The following NCBP3 variants were observed in gnomAD, a reference collection of about 807,000 sequenced individuals.
The protein encoded by NCBP3 is nuclear cap binding subunit 3, also known as nuclear cap-binding protein subunit 3.
In NCBP3, 20 loss-of-function variants were observed where a neutral mutation model predicts 75.7. The observed-to-expected ratio is 0.26, with a 90% CI of 0.19 to 0.38. The LOEUF (loss-of-function observed/expected upper bound fraction) is 0.38, where lower values mean the gene tolerates loss of function less well. NCBP3 is among the 10% of genes least tolerant of loss of function. The pLI is 1.00. For missense variants in NCBP3, 678 were observed against 796.9 expected (o/e 0.85, Z 1.80); for synonymous variants, 293 against 290.5 (o/e 1.01, Z -0.09).
rs80097000 is a variant in NCBP3 at position 3,832,531 on chromosome 17, T to C, written c.356-3163A>G. Among the ~76,000 whole-genome samples, 333 of 68,766 alleles carry C rather than the reference T, an allele frequency of 4.8e-3. 92 individuals carry two copies. The highest frequency in any genetic ancestry group is 0.021 in the Middle Eastern group (2 of 94). The allele number at this position is 68,766 out of a possible 152,430, so 45.1% of individuals were successfully genotyped here. ...CTGTAGTCCCAGCTACTCGGGAGGC[T>C]GAGGCAGGAGAATCACTTGAACCCG... On this transcript the variant is annotated intron_variant, in intron 3 of 12. Coordinates refer to ENST00000389005, the MANE Select transcript of NCBP3 (RefSeq NM_001114118.3).
At chr17:3,826,313 G>C in intron 4 of NCBP3, 98 bp from the exon 5 acceptor site, 2 of 1,148,392 alleles carry the variant, frequency 1.7e-6, no homozygotes, top group Admixed American at 2.8e-5. Context: ...GCCTCATCTA[G>C]CAACAGATTA....
intron 11 of NCBP3, among the ~76,000 whole-genome samples, chr17:3,815,415 G>C (rs2053511558): frequency 6.6e-6 from 1 of 152,210 alleles, no homozygotes; most frequent in Admixed American, 6.5e-5. Context: ...CTAGCACCTA[G>C]ACCAGGGTCT....
In NCBP3 at chr17:3,814,302, C is replaced by G. The variant is rs769525305; in HGVS notation, c.1627+20G>C. The stretch of plus-strand genomic sequence containing the variant: ...GCTCTCACTGAATCCCCATTCCCAT[C>G]CGTTTTAAGTGTTACCAACCTGATT... On this transcript the variant is annotated intron_variant, in intron 12 of 12. Transcript: ENST00000389005. The G allele has an allele frequency of 6.2e-7, 1 of 1,612,266 alleles. No individual in the cohort carries two copies. The highest frequency in any genetic ancestry group is 1.7e-5 in the Admixed American group (1 of 59,580).
intron 1 of NCBP3, among the ~76,000 whole-genome samples, chr17:3,844,164 G>A (rs552795077): frequency 6.6e-6 from 1 of 152,168 alleles, no homozygotes; most frequent in South Asian, 2.1e-4. Flanking sequence ...GCCTCACCTA[G>A]AACTCCTGAG....
chr17:3,837,974 T>C (rs1046009799), intron 3 of NCBP3, among the ~76,000 whole-genome samples: 1 of 151,760 alleles, frequency 6.6e-6, no homozygotes, highest in Non-Finnish European at 1.5e-5. Context: ...AGACTGGAGT[T>C]GTACGTTAAA....
At position 3,804,223 on chromosome 17, in the gene NCBP3, TGGA is replaced by T. The variant is rs1176855140; in HGVS notation, c.*8818_*8820del. On this transcript the variant is annotated 3_prime_UTR_variant, in exon 13 of 13. Coordinates refer to ENST00000389005, the MANE Select transcript of NCBP3 (RefSeq NM_001114118.3). The stretch of plus-strand genomic sequence containing the variant: ...AAAAAAGTTGCAAAATGTTCATGGA[TGGA>T]GGAGACGTGCTCGGCGTGAGGTGAA... 1 of 151,970 alleles carries T rather than the reference TGGA, an allele frequency of 6.6e-6. No homozygotes were observed. The highest frequency in any genetic ancestry group is 2.4e-5 in the African/African-American group (1 of 41,352). 9.4% of individuals were successfully genotyped at this position (151,970 alleles called of 1,614,324 possible). A position where few individuals can be genotyped will look rare whatever the true frequency, so the allele number is the denominator to read the frequency against.
Position 3,802,206 on chromosome 17 carries a change from G to A in NCBP3, c.*10838C>T, listed in dbSNP as rs916590501. On this transcript the variant is annotated 3_prime_UTR_variant, in exon 13 of 13. Transcript: ENST00000389005. ...TTTAATTTTAATTAAACGTAAAAAG[G>A]CAGGACATTCCAAGGCTCTCTAACA... The A allele has an allele frequency of 2.0e-5, 3 of 152,132 alleles. No homozygotes were observed. In the East Asian group the frequency reaches 5.8e-4, roughly 29 times the overall value. The allele number at this position is 152,132 out of a possible 1,614,324, so 9.4% of individuals were successfully genotyped here.
chr17:3,833,903 T>C (rs1478930263), intron 3 of NCBP3, among the ~76,000 whole-genome samples: 1 of 152,220 alleles, frequency 6.6e-6, no homozygotes, highest in African/African-American at 2.4e-5. Context: ...TTCCCTCTAC[T>C]ATCACTCAGG....
rs1339885067 is a variant in NCBP3, at chr17:3,831,718, C to T, written c.356-2350G>A. 1.3e-4 allele frequency among the ~76,000 whole-genome samples: 16 copies of T among 121,902 alleles called. 5 individuals are homozygous for T. The highest frequency in any genetic ancestry group is 1.2e-3 in the Admixed American group (15 of 12,152). 80.0% of individuals were successfully genotyped at this position (121,902 alleles called of 152,430 possible). A position where few individuals can be genotyped will look rare whatever the true frequency, so the allele number is the denominator to read the frequency against. Reference sequence around the variant, plus strand: ...GTACCTCTCCACATCCCTTCTTTCCCTTCCTTCTCTGAAGCAATTCTGTCA... The same window carrying T: ...GTACCTCTCCACATCCCTTCTTTCCTTTCCTTCTCTGAAGCAATTCTGTCA... On this transcript the variant is annotated intron_variant, in intron 3 of 12. Coordinates refer to ENST00000389005, the MANE Select transcript of NCBP3 (RefSeq NM_001114118.3).
Position 3,812,965 on chromosome 17 carries a change from C to A in NCBP3, c.*79G>T, listed in dbSNP as rs77418274. ...AGGAGCGAGAGGGCGCCAGCTCCTG[C>A]GGGGGAGGTTCCTACTGCGCGCCCC... On this transcript the variant is annotated 3_prime_UTR_variant, in exon 13 of 13. Coordinates refer to ENST00000389005, the MANE Select transcript of NCBP3 (RefSeq NM_001114118.3). 2.1e-4 allele frequency: 339 copies of A among 1,579,852 alleles called. 1 individual carries two copies. Among genetic ancestry groups the A allele is most frequent in the Non-Finnish European group, 5.2e-5 (61 of 1,163,348 alleles).
chr17:3,846,199 C>A lies in NCBP3; in HGVS notation c.25G>T (p.Val9Leu). 6.7e-7 allele frequency: 1 copy of A among 1,482,488 alleles called. No homozygotes were observed. Among genetic ancestry groups the A allele is most frequent in the Non-Finnish European group, 8.9e-7 (1 of 1,119,122 alleles). The allele number at this position is 1,482,488 out of a possible 1,614,324, so 91.8% of individuals were successfully genotyped here. A position where few individuals can be genotyped will look rare whatever the true frequency, so the allele number is the denominator to read the frequency against. MAAVRGLR[V>L]SVKAEAPAGP... The stretch of plus-strand genomic sequence containing the variant: ...GCCGGGGCCTCCGCCTTCACCGACA[C>A]CCGCAGGCCCCGTACGGCCGCCATC... The change falls in exon 1 of 13, where the codon GTG becomes TTG. Residue 9 changes from valine to leucine, a missense_variant. By Grantham distance (32) the Val-to-Leu change is conservative. Transcript: ENST00000389005. This position sits in a 1 kb window ranked among gnomAD's most constrained non-coding sequence, Gnocchi z 4.6.
Position 3,812,933 on chromosome 17 carries a change from T to G in NCBP3, c.*111A>C, listed in dbSNP as rs141429622. Reference sequence around the variant, plus strand: ...AAGTAGCAAGAGCGGAGGGTGACTGTGTGAGCAGGAGCGAGAGGGCGCCAG... The same window carrying G: ...AAGTAGCAAGAGCGGAGGGTGACTGGGTGAGCAGGAGCGAGAGGGCGCCAG... On this transcript the variant is annotated 3_prime_UTR_variant, in exon 13 of 13. Transcript: ENST00000389005. The G allele has an allele frequency of 2.0e-4, 310 of 1,530,316 alleles. No homozygotes were observed. The African/African-American group carries it at 3.5e-3, about 17-fold the overall frequency. 94.8% of individuals were successfully genotyped at this position (1,530,316 alleles called of 1,614,324 possible).
chr17:3,826,275 CAG>C, intron 4 of NCBP3, 60 bp from the exon 5 acceptor site: 1 of 1,458,314 alleles, frequency 6.9e-7, no homozygotes, highest in Non-Finnish European at 9.2e-7. Flanking sequence ...TTCTTGAGAG[CAG>C]ATTCTGCATC....
chr17:3,840,512 A>G (rs2054045818), intron 2 of NCBP3, among the ~76,000 whole-genome samples: 1 of 152,218 alleles, frequency 6.6e-6, no homozygotes, highest in Non-Finnish European at 1.5e-5. Flanking sequence ...AAGTTATATG[A>G]CACTTCATTT....
At chr17:3,814,798 A>G (rs943423843) in intron 11 of NCBP3, among the ~76,000 whole-genome samples, 9 of 152,158 alleles carry the variant, frequency 5.9e-5, no homozygotes, top group African/African-American at 1.9e-4. Flanking sequence ...CGAACAAAAA[A>G]TCCTGTGAGC....
At chr17:3,840,635 C>T (rs935511468) in intron 2 of NCBP3, among the ~76,000 whole-genome samples, 3 of 152,232 alleles carry the variant, frequency 2.0e-5, no homozygotes, top group African/African-American at 7.2e-5. Flanking sequence ...GATACTTCAG[C>T]TATTAAGCAA....
At chr17:3,837,695 C>T (rs1307938587) in intron 3 of NCBP3, among the ~76,000 whole-genome samples, 6 of 149,032 alleles carry the variant, frequency 4.0e-5, no homozygotes, top group Non-Finnish European at 7.4e-5. Context: ...GATTGCGCCA[C>T]TGCACTCCAG....
At chr17:3,821,196 T>A (rs1006305045) in intron 9 of NCBP3, 53 bp downstream of exon 9, 29 of 1,291,576 alleles carry the variant, frequency 2.2e-5, no homozygotes, top group Non-Finnish European at 3.0e-5. Flanking sequence ...AGAATAAAAA[T>A]ATGATTTCAG....
In NCBP3 at chr17:3,811,858, C is replaced by T. The variant is rs2053421608; in HGVS notation, c.*1186G>A. On this transcript the variant is annotated 3_prime_UTR_variant, in exon 13 of 13. Transcript: ENST00000389005. ...GGAAGACGAAACAATCTACCTCCTC[C>T]TAATGGTAAAATAATCTGAAAGGAG... 6.6e-6 allele frequency: 1 copy of T among 152,186 alleles called. No homozygotes were observed. The highest frequency in any genetic ancestry group is 3.2e-3 in the Middle Eastern group (1 of 316). The allele number at this position is 152,186 out of a possible 1,614,324, so 9.4% of individuals were successfully genotyped here. A position where few individuals can be genotyped will look rare whatever the true frequency, so the allele number is the denominator to read the frequency against.
Sources: gnomAD v4.1 joint callset for allele counts (sites outside exome capture counted in the v4.1 genomes callset) on GRCh38, gnomAD v4.1.1 for gene constraint, Gnocchi (gnomAD v3.1) non-coding constraint, MANE v1.5 for transcripts, NCBI Gene and HGNC (gene_info 2026-07-23, HGNC 2026-07-21) for gene names.